Variants in PAK2 observed in about 807,000 individuals in gnomAD.
PAK2 encodes the protein serine/threonine-protein kinase PAK 2.
A neutral mutation model predicts 65.9 loss-of-function variants in PAK2; 21 were observed. The observed-to-expected ratio is 0.32, with a 90% CI of 0.23 to 0.46. PAK2 has a LOEUF of 0.46. PAK2 is among the 20% of genes least tolerant of loss of function. PAK2 has a pLI of 1.00. For missense variants in PAK2, 324 were observed against 642.6 expected (o/e 0.50, Z 5.36); for synonymous variants, 204 against 219.7 (o/e 0.93, Z 0.63).
At chr3:196,773,820 C>G (rs1029342325) in intron 1 of PAK2, among the ~76,000 whole-genome samples, 3 of 151,966 alleles carry the variant, frequency 2.0e-5, no homozygotes, top group African/African-American at 7.3e-5. Flanking sequence ...TGCAGTGAGC[C>G]AAGATCACGC....
At chr3:196,742,357 G>A (rs1713226640) in intron 1 of PAK2, among the ~76,000 whole-genome samples, 1 of 152,058 alleles carries the variant, frequency 6.6e-6, no homozygotes, top group African/African-American at 2.4e-5. Context: ...CAAAATGCTG[G>A]GATAGGCGTG....
At chr3:196,773,820 C>T in intron 1 of PAK2, among the ~76,000 whole-genome samples, 1 of 151,966 alleles carries the variant, frequency 6.6e-6, no homozygotes, top group East Asian at 1.9e-4. Flanking sequence ...TGCAGTGAGC[C>T]AAGATCACGC....
intron 2 of PAK2, among the ~76,000 whole-genome samples, chr3:196,786,997 G>T (rs931158582): frequency 2.0e-5 from 3 of 151,706 alleles, no homozygotes; most frequent in African/African-American, 7.3e-5. Context: ...ACTAATTTTT[G>T]TATTTTTTGT....
rs1712075221 is a variant in PAK2, at chr3:196,831,288, T to C, written c.*2883T>C. 1 of 152,228 alleles carries C rather than the reference T, an allele frequency of 6.6e-6. No homozygotes were observed. The highest frequency in any genetic ancestry group is 2.4e-5 in the African/African-American group (1 of 41,460). The allele number at this position is 152,228 out of a possible 1,614,324, so 9.4% of individuals were successfully genotyped here. A position where few individuals can be genotyped will look rare whatever the true frequency, so the allele number is the denominator to read the frequency against. ...CTGAAAGTTACCTTAATAGTCCTCT[T>C]GTGTTATTAGGACAGTATTATTATA... On this transcript the variant is annotated 3_prime_UTR_variant, in exon 15 of 15. Transcript: ENST00000327134.
intron 2 of PAK2, 110 bp downstream of exon 2, chr3:196,782,943 G>A (rs868519090): frequency 1.4e-5 from 9 of 623,836 alleles, no homozygotes; most frequent in South Asian, 5.3e-5. Context: ...GAAAACAATC[G>A]GTGCTAATAT....
intron 1 of PAK2, among the ~76,000 whole-genome samples, chr3:196,769,837 A>AAAAGAG (rs983466591): frequency 7.0e-6 from 1 of 143,560 alleles, no homozygotes; most frequent in Non-Finnish European, 1.6e-5. Flanking sequence ...AAGAAAAAGA[A>AAAAGAG]AAAGAAATTC....
At chr3:196,758,983 A>G (rs1300833758) in intron 1 of PAK2, among the ~76,000 whole-genome samples, 6 of 152,162 alleles carry the variant, frequency 3.9e-5, no homozygotes, top group Non-Finnish European at 8.8e-5. Flanking sequence ...TTAAAAAGGG[A>G]AAAACTTACA....
At chr3:196,827,976 C>T (rs1431878708) in intron 14 of PAK2, among the ~76,000 whole-genome samples, 1 of 38,958 alleles carries the variant, frequency 2.6e-5, no homozygotes, top group Non-Finnish European at 4.4e-5. Context: ...CGTATCAATC[C>T]TCAGACCTGT....
chr3:196,762,764 C>T (rs896808842), intron 1 of PAK2, among the ~76,000 whole-genome samples: 5 of 150,236 alleles, frequency 3.3e-5, no homozygotes, highest in Non-Finnish European at 7.4e-5. Flanking sequence ...CATTGCACTC[C>T]AGCCTGGGCA....
chr3:196,773,764 T>A (rs1319329200), intron 1 of PAK2, among the ~76,000 whole-genome samples: 1 of 151,776 alleles, frequency 6.6e-6, no homozygotes, highest in African/African-American at 2.4e-5. Flanking sequence ...CCCAGCTACT[T>A]GGGAGGCTGA....
chr3:196,790,078 T>C (rs1715021446), intron 2 of PAK2, among the ~76,000 whole-genome samples: 1 of 152,232 alleles, frequency 6.6e-6, no homozygotes, highest in Non-Finnish European at 1.5e-5. Context: ...GAGAATTCTC[T>C]GCTGTGTCAT....
Position 196,764,435 on chromosome 3 carries a change from G to T in PAK2, c.-21-18191G>T, listed in dbSNP as rs561019472. On this transcript the variant is annotated intron_variant, in intron 1 of 14. Transcript: ENST00000327134. ...GTTCAAGACCAGCCTGGCCAACATGGTGTGAAGCCGCATCTCTACTAAAAA... is the reference window on the plus strand; with the variant it reads ...GTTCAAGACCAGCCTGGCCAACATGTTGTGAAGCCGCATCTCTACTAAAAA... Among the ~76,000 whole-genome samples, 9 of 151,764 alleles carry T rather than the reference G, an allele frequency of 5.9e-5. No individual in the cohort carries two copies. The East Asian group carries it at 1.8e-3, about 30-fold the overall frequency.
intron 2 of PAK2, among the ~76,000 whole-genome samples, chr3:196,794,123 T>A (rs960343524): frequency 6.6e-6 from 1 of 152,064 alleles, no homozygotes; most frequent in Non-Finnish European, 1.5e-5. Flanking sequence ...AGTGCAAGAC[T>A]CTGTCTCAAA....
chr3:196,798,454 C>G (rs1266888731), intron 2 of PAK2, among the ~76,000 whole-genome samples: 5 of 151,988 alleles, frequency 3.3e-5, no homozygotes, highest in Admixed American at 2.0e-4. Context: ...AGTGATTCTC[C>G]TGCCTCAGCC....
intron 1 of PAK2, among the ~76,000 whole-genome samples, chr3:196,771,122 A>G (rs1188105469): frequency 2.6e-5 from 4 of 151,986 alleles, no homozygotes; most frequent in Non-Finnish European, 5.9e-5. Flanking sequence ...TAAAAAAAAC[A>G]ATTGTCTCAA....
intron 2 of PAK2, among the ~76,000 whole-genome samples, chr3:196,783,296 G>A (rs1714771332): frequency 6.6e-6 from 1 of 152,170 alleles, no homozygotes; most frequent in Non-Finnish European, 1.5e-5. Flanking sequence ...AGTACTCACA[G>A]ACTGATGTGT....
At chr3:196,766,938 GTGTGTGTGTGTGTGTGTGTGTGTGT>G in intron 1 of PAK2, among the ~76,000 whole-genome samples, 1 of 129,476 alleles carries the variant, frequency 7.7e-6, no homozygotes, top group African/African-American at 3.5e-5. Flanking sequence ...CCCCGTGTGT[GTGTGTGTGTGTGTGTGTGTGTGTGT>G]GTGTGTGTGT....
At chr3:196,774,364 A>C (rs1463699575) in intron 1 of PAK2, among the ~76,000 whole-genome samples, 1 of 152,126 alleles carries the variant, frequency 6.6e-6, no homozygotes, top group Non-Finnish European at 1.5e-5. Context: ...AACAAGGCAG[A>C]TGGACTAGAT....
chr3:196,814,280 A>C (rs1239252574), intron 10 of PAK2, among the ~76,000 whole-genome samples, 171 bp from the exon 11 acceptor site: 1 of 152,164 alleles, frequency 6.6e-6, no homozygotes, highest in African/African-American at 2.4e-5. Flanking sequence ...TCATAACTTC[A>C]GTTATTTTTC....
Sources: allele counts gnomAD v4.1 joint callset (sites outside exome capture counted in the v4.1 genomes callset), GRCh38; gene constraint gnomAD v4.1.1; transcripts MANE v1.5; gene names NCBI Gene and HGNC (gene_info 2026-07-23, HGNC 2026-07-21).